The following MARCHF1 variants were observed in gnomAD, a reference collection of about 807,000 sequenced individuals.
MARCHF1 encodes the protein membrane associated ring-CH-type finger 1.
In MARCHF1, 40 loss-of-function variants were observed where a neutral mutation model predicts 54.2. The ratio of observed to expected loss-of-function variants is 0.74; its 90% CI spans 0.57 to 0.96. MARCHF1 has a LOEUF of 0.96. MARCHF1 is among the 40% of genes least tolerant of loss of function. The pLI is 0.00. For synonymous variants in MARCHF1, 236 were observed against 236.3 expected (o/e 1.00, Z 0.01); for missense variants, 586 against 656.5 (o/e 0.89, Z 1.17).
At chr4:163,903,644 C>T (rs1271227950) in intron 3 of MARCHF1, among the ~76,000 whole-genome samples, 3 of 151,470 alleles carry the variant, frequency 2.0e-5, no homozygotes, top group Admixed American at 6.6e-5. Flanking sequence ...GAATTTCACC[C>T]GTGTCGCCCA....
rs1178981796 is a variant in MARCHF1, at chr4:163,745,277, A to AT, written c.112-44415dup. Among the ~76,000 whole-genome samples the AT allele has an allele frequency of 1.7e-3, 260 of 149,684 alleles. 1 individual carries two copies. Among genetic ancestry groups the AT allele is most frequent in the African/African-American group, 5.0e-3 (206 of 40,826 alleles). On this transcript the variant is annotated intron_variant, in intron 4 of 9. Transcript: ENST00000514618. ...CAGGTGCCCACCACCACACCTGGCT[A>AT]TTTTTTTTTGTATTTTTAGTAGAGA...
chr4:163,942,366 G>A (rs1411439476), intron 3 of MARCHF1, among the ~76,000 whole-genome samples: 3 of 152,136 alleles, frequency 2.0e-5, no homozygotes, highest in Non-Finnish European at 4.4e-5. Context: ...ATATTTCTCT[G>A]TCTAATTATA....
At chr4:163,753,710 T>C (rs1221339464) in intron 4 of MARCHF1, among the ~76,000 whole-genome samples, 1 of 152,144 alleles carries the variant, frequency 6.6e-6, no homozygotes, top group East Asian at 1.9e-4. Flanking sequence ...TTTGTGACAA[T>C]AGACAAAGAG....
chr4:164,383,575 C>G (rs1731439267), intron 1 of MARCHF1: 1 of 152,290 alleles, frequency 6.6e-6, no homozygotes, highest in East Asian at 1.9e-4. Context: ...AGAGCGGGCG[C>G]TGGGGGCCAA....
chr4:164,285,436 T>C (rs1048246082), intron 1 of MARCHF1, among the ~76,000 whole-genome samples: 12 of 151,834 alleles, frequency 7.9e-5, no homozygotes, highest in African/African-American at 2.7e-4. Context: ...AATGTTTAAT[T>C]TAATTAATTT....
At chr4:163,539,307 C>A (rs191729935) in intron 9 of MARCHF1, among the ~76,000 whole-genome samples, 1 of 152,244 alleles carries the variant, frequency 6.6e-6, no homozygotes, top group East Asian at 1.9e-4. Context: ...AGGCTTAAAC[C>A]AACACACCCA....
intron 2 of MARCHF1, among the ~76,000 whole-genome samples, chr4:164,065,584 T>C (rs1279805897): frequency 1.3e-5 from 2 of 152,100 alleles, no homozygotes; most frequent in East Asian, 3.8e-4. Context: ...AGGATATATA[T>C]ATACATGAAA....
chr4:163,938,508 T>G (rs1751847316), intron 3 of MARCHF1, among the ~76,000 whole-genome samples: 1 of 152,116 alleles, frequency 6.6e-6, no homozygotes, highest in Admixed American at 6.6e-5. Context: ...GTGGAGCTAA[T>G]TACGTAGCCT....
At chr4:163,550,037 G>C (rs1739047777) in intron 8 of MARCHF1, among the ~76,000 whole-genome samples, 1 of 152,144 alleles carries the variant, frequency 6.6e-6, no homozygotes, top group African/African-American at 2.4e-5. Context: ...AATCCCAGCA[G>C]TTTGGGAGGC....
In MARCHF1 at chr4:164,010,077, T is replaced by G. The variant is rs865876612; in HGVS notation, c.-247-21368A>C. ...TCAAAAAACTCTTTTTTTTTTTTTT[T>G]TTTTTTTTAGGCGGAGTCTCATTCT... On this transcript the variant is annotated intron_variant, in intron 2 of 9. Transcript: ENST00000514618. 1.5e-3 allele frequency among the ~76,000 whole-genome samples: 228 copies of G among 148,776 alleles called. 2 individuals are homozygous for G. Among genetic ancestry groups the G allele is most frequent in the African/African-American group, 5.4e-3 (217 of 40,520 alleles).
At chr4:164,293,507 CT>C (rs1220611071) in intron 1 of MARCHF1, among the ~76,000 whole-genome samples, 15 of 152,226 alleles carry the variant, frequency 9.9e-5, no homozygotes, top group African/African-American at 3.6e-4. Flanking sequence ...GGAGTACAGC[CT>C]GATTCATGAA....
chr4:163,733,201 A>ACATACACATGTG, intron 4 of MARCHF1, among the ~76,000 whole-genome samples: 1 of 34,260 alleles, frequency 2.9e-5, no homozygotes, highest in East Asian at 9.8e-4. Context: ...ATATATATAT[A>ACATACACATGTG]TATATATATA....
Position 163,647,330 on chromosome 4 carries a change from G to T in MARCHF1, c.163-33937C>A, listed in dbSNP as rs146476851. 3.7e-3 allele frequency among the ~76,000 whole-genome samples: 566 copies of T among 152,044 alleles called. 2 individuals are homozygous for T. The highest frequency in any genetic ancestry group is 0.013 in the African/African-American group (523 of 41,534). On this transcript the variant is annotated intron_variant, in intron 5 of 9. Coordinates refer to ENST00000514618, the MANE Select transcript of MARCHF1 (RefSeq NM_001394959.1). ...CAATAATAGTAGGGGACTGTAATAC[G>T]CCACTTTCAACAATGGATAGATCAT...
rs1340722845 is a variant in MARCHF1 at position 163,749,019 on chromosome 4, T to C, written c.112-48156A>G. Among the ~76,000 whole-genome samples the C allele has an allele frequency of 4.6e-5, 7 of 152,224 alleles. No individual in the cohort carries two copies. The East Asian group carries it at 1.3e-3, about 29-fold the overall frequency. On this transcript the variant is annotated intron_variant, in intron 4 of 9. Transcript: ENST00000514618. ...CCTTTTCTAACAGGTGTTGGTAATA[T>C]TCCTTTTCTTTAGTCTATAAATGTG...
chr4:164,125,384 G>T (rs1756158115), intron 1 of MARCHF1, among the ~76,000 whole-genome samples: 1 of 152,076 alleles, frequency 6.6e-6, no homozygotes, highest in Non-Finnish European at 1.5e-5. Context: ...CTCCCACTCT[G>T]CATTGGAAGT....
intron 1 of MARCHF1, among the ~76,000 whole-genome samples, chr4:164,364,818 T>C (rs1730834594): frequency 6.6e-6 from 1 of 152,002 alleles, no homozygotes; most frequent in African/African-American, 2.4e-5. Context: ...TTTTTTCCTT[T>C]ATCTTTTCTA....
rs1456015219 is a variant in MARCHF1 at position 164,262,144 on chromosome 4, G to A, written c.-323+121726C>T. Among the ~76,000 whole-genome samples, 3 of 147,426 alleles carry A rather than the reference G, an allele frequency of 2.0e-5. No homozygotes were observed. The East Asian group carries it at 5.8e-4, about 29-fold the overall frequency. On this transcript the variant is annotated intron_variant, in intron 1 of 9. Coordinates refer to ENST00000514618, the MANE Select transcript of MARCHF1 (RefSeq NM_001394959.1). ...AAAAAAAGAATAGAGAGAATGCTGA[G>A]AGAAAGGATCTTATTTATCATGTTC...
intron 1 of MARCHF1, among the ~76,000 whole-genome samples, chr4:164,211,670 T>C (rs1330836295): frequency 6.6e-6 from 1 of 152,066 alleles, no homozygotes; most frequent in East Asian, 1.9e-4. Flanking sequence ...TGCCCTCATG[T>C]TCTTATATTG....
chr4:164,055,116 T>C (rs1462867459), intron 2 of MARCHF1: 1 of 151,886 alleles, frequency 6.6e-6, no homozygotes, highest in African/African-American at 2.4e-5. Flanking sequence ...AAAACAGCAA[T>C]GATGGTAATA....
Sources: allele counts gnomAD v4.1 joint callset (sites outside exome capture counted in the v4.1 genomes callset), GRCh38; gene constraint gnomAD v4.1.1; transcripts MANE v1.5; gene names NCBI Gene and HGNC (gene_info 2026-07-23, HGNC 2026-07-21).